Variants in MKLN1 observed in about 807,000 individuals in gnomAD.
MKLN1 encodes muskelin 1.
A neutral mutation model predicts 99.0 loss-of-function variants in MKLN1; 18 were observed. The ratio of observed to expected loss-of-function variants is 0.18; its 90% CI spans 0.13 to 0.27. The LOEUF (loss-of-function observed/expected upper bound fraction) is 0.27, where lower values mean the gene tolerates loss of function less well. Ranked by LOEUF, MKLN1 falls within the 10% of genes least tolerant of loss-of-function variation. The probability of loss-of-function intolerance (pLI) is 1.00; values close to 1 mark genes in which losing one functional copy is unlikely to be tolerated. For missense variants in MKLN1, 621 were observed against 875.9 expected, an observed-to-expected ratio of 0.71 and a Z score of 3.67; for synonymous variants, 288 against 293.2, an observed-to-expected ratio of 0.98 and a Z score of 0.18.
At chr7:131,272,716 T>G (rs190239804) in intron 3 of MKLN1, among the ~76,000 whole-genome samples, 5 of 152,256 alleles carry the variant, frequency 3.3e-5, no homozygotes, top group African/African-American at 4.8e-5. Context: ...ACTTCTTACA[T>G]GGTGGTAGCA....
At chr7:131,436,645 ATAC>A (rs1291773747) in intron 9 of MKLN1, among the ~76,000 whole-genome samples, 1 of 152,220 alleles carries the variant, frequency 6.6e-6, no homozygotes, top group Non-Finnish European at 1.5e-5. Context: ...GAACACACAC[ATAC>A]ACAGTAATAG....
chr7:131,340,106 T>C (rs749983098), intron 1 of MKLN1, among the ~76,000 whole-genome samples: 1 of 152,044 alleles, frequency 6.6e-6, no homozygotes, highest in Admixed American at 6.6e-5. Flanking sequence ...AGAAAAGTCA[T>C]AAAATCTAAC....
At chr7:131,452,967 A>G (rs764088957) in intron 12 of MKLN1, among the ~76,000 whole-genome samples, 10 of 152,270 alleles carry the variant, frequency 6.6e-5, no homozygotes, top group Non-Finnish European at 1.3e-4. Context: ...AGAAAATGGT[A>G]GCGCTTATTT....
intron 1 of MKLN1, among the ~76,000 whole-genome samples, chr7:131,333,259 G>A (rs1799132438): frequency 6.6e-6 from 1 of 151,810 alleles, no homozygotes; most frequent in Non-Finnish European, 1.5e-5. Flanking sequence ...TTTTTTTGTA[G>A]AGATGGGGTC....
chr7:131,349,239 A>G (rs1707141604), intron 1 of MKLN1, among the ~76,000 whole-genome samples: 1 of 150,528 alleles, frequency 6.6e-6, no homozygotes, highest in Non-Finnish European at 1.5e-5. Context: ...TCTGTTGCCC[A>G]GGCTGGAGTA....
At chr7:131,172,743 T>C (rs1796235299) in intron 2 of MKLN1, among the ~76,000 whole-genome samples, 1 of 152,194 alleles carries the variant, frequency 6.6e-6, no homozygotes, top group Non-Finnish European at 1.5e-5. Flanking sequence ...GCAAGAAAGG[T>C]TCTGATGTAT....
intron 16 of MKLN1, among the ~76,000 whole-genome samples, chr7:131,478,168 T>TC (rs1290143208): frequency 6.6e-6 from 1 of 152,234 alleles, no homozygotes; most frequent in African/African-American, 2.4e-5. Flanking sequence ...ATGCTTTTTT[T>TC]CTCAGATTTT....
At chr7:131,426,245 C>A (rs1190105636) in intron 8 of MKLN1, among the ~76,000 whole-genome samples, 4 of 152,048 alleles carry the variant, frequency 2.6e-5, no homozygotes, top group Admixed American at 6.6e-5. Flanking sequence ...AACCCAGAGC[C>A]CAAGAGGAAG....
chr7:131,368,520 A>G lies in MKLN1; in HGVS notation c.99-6904A>G, dbSNP rs564531741. Among the ~76,000 whole-genome samples the G allele has an allele frequency of 1.6e-4, 24 of 152,252 alleles. 1 individual carries two copies. In the South Asian group the frequency reaches 5.0e-3, roughly 32 times the overall value. ...ACAGTCATGGCAGAAGGCAAAGGGG[A>G]AGCAAACACCTTCTTCTCATGGCAG... On this transcript the variant is annotated intron_variant, in intron 1 of 17. Coordinates refer to ENST00000352689, the MANE Select transcript of MKLN1 (RefSeq NM_013255.5).
chr7:131,154,851 G>A (rs1036101079), intron 2 of MKLN1, among the ~76,000 whole-genome samples: 16 of 151,982 alleles, frequency 1.1e-4, no homozygotes, highest in African/African-American at 3.4e-4. Context: ...AGAATTACCC[G>A]ACTAGAGGGT....
chr7:131,187,323 CT>C (rs67338403), intron 2 of MKLN1, among the ~76,000 whole-genome samples: 53 of 147,080 alleles, frequency 3.6e-4, no homozygotes, highest in Middle Eastern at 3.5e-3. Context: ...CTTCATTTGT[CT>C]TTTTTTTTTT....
intron 2 of MKLN1, among the ~76,000 whole-genome samples, chr7:131,182,458 C>T (rs956040576): frequency 1.3e-5 from 2 of 152,210 alleles, no homozygotes; most frequent in African/African-American, 4.8e-5. Flanking sequence ...CTGGAATATA[C>T]AATTTAGCTT....
chr7:131,164,838 T>C (rs767753987), intron 2 of MKLN1, among the ~76,000 whole-genome samples: 1 of 152,180 alleles, frequency 6.6e-6, no homozygotes, highest in Non-Finnish European at 1.5e-5. Context: ...AAGAACAAAT[T>C]GGCAACAAGG....
At chr7:131,159,769 C>T (rs778984462) in intron 2 of MKLN1, among the ~76,000 whole-genome samples, 3 of 152,126 alleles carry the variant, frequency 2.0e-5, no homozygotes, top group Non-Finnish European at 4.4e-5. Flanking sequence ...TATCAATTTT[C>T]TTAAAGTCAT....
intron 3 of MKLN1, among the ~76,000 whole-genome samples, chr7:131,275,543 ATATATATATATATATATATATATATT>A (rs1797949788): frequency 8.0e-5 from 1 of 12,558 alleles, no homozygotes; most frequent in Non-Finnish European, 1.9e-4. Flanking sequence ...TGATATATAT[ATATATATATATATATATATATATATT>A]TTTTTTTTTT....
intron 3 of MKLN1, among the ~76,000 whole-genome samples, chr7:131,282,195 C>T (rs1349506910): frequency 6.6e-6 from 1 of 151,226 alleles, no homozygotes; most frequent in Non-Finnish European, 1.5e-5. Context: ...ACTAAAAATA[C>T]AAAATTAGCT....
chr7:131,190,359 T>C (rs550417629), intron 2 of MKLN1, among the ~76,000 whole-genome samples: 1 of 151,846 alleles, frequency 6.6e-6, no homozygotes, highest in Non-Finnish European at 1.5e-5. Context: ...CATTCCTTGA[T>C]GTCTTAGAGA....
At chr7:131,220,591 T>G (rs749598945) in intron 3 of MKLN1, among the ~76,000 whole-genome samples, 9 of 152,064 alleles carry the variant, frequency 5.9e-5, no homozygotes, top group Admixed American at 5.2e-4. Context: ...GGTTTTGGAG[T>G]GGGCCAGTGT....
chr7:131,466,191 G>A, intron 14 of MKLN1, 85 bp from the exon 15 acceptor site: 1 of 910,344 alleles, frequency 1.1e-6, no homozygotes, highest in Non-Finnish European at 1.6e-6. Context: ...AATGGGCTCA[G>A]GAAGTTAACC....
Sources: allele counts gnomAD v4.1 joint callset (sites outside exome capture counted in the v4.1 genomes callset), GRCh38; gene constraint gnomAD v4.1.1; transcripts MANE v1.5; gene names NCBI Gene and HGNC (gene_info 2026-07-23, HGNC 2026-07-21).